The following MAP3K21 variants were observed in gnomAD, a reference collection of about 807,000 sequenced individuals.
MAP3K21 encodes the protein mitogen-activated protein kinase kinase kinase 21, also known as mitogen-activated protein kinase kinase kinase MLK4.
MAP3K21 carries 63 observed loss-of-function variants against 86.1 expected under a neutral mutation model. That is an observed-to-expected ratio of 0.73 (90% CI 0.60 to 0.90). The LOEUF (loss-of-function observed/expected upper bound fraction) is 0.90. MAP3K21 is among the 40% of genes least tolerant of loss of function. The probability of loss-of-function intolerance (pLI) is 0.00; values close to 1 mark genes in which losing one functional copy is unlikely to be tolerated. For synonymous variants in MAP3K21, 558 were observed against 564.8 expected, an observed-to-expected ratio of 0.99 and a Z score of 0.17; for missense variants, 1,220 against 1,367.7, an observed-to-expected ratio of 0.89 and a Z score of 1.70.
At chr1:233,351,862 A>G (rs910508038) in intron 2 of MAP3K21, among the ~76,000 whole-genome samples, 6 of 152,200 alleles carry the variant, frequency 3.9e-5, no homozygotes, top group African/African-American at 7.2e-5. Context: ...GAAACCAAAT[A>G]TGACTGTTCC....
At chr1:233,377,852 G>A (rs1039324672) in intron 8 of MAP3K21, among the ~76,000 whole-genome samples, 1 of 152,196 alleles carries the variant, frequency 6.6e-6, no homozygotes, top group African/African-American at 2.4e-5. Flanking sequence ...ATGGGAGACA[G>A]CAACAGATCA....
intron 1 of MAP3K21, among the ~76,000 whole-genome samples, chr1:233,345,192 G>C (rs4649303): frequency 0.4 from 61,409 of 152,020 alleles, 13,198 homozygotes; most frequent in Admixed American, 0.54. Context: ...CAAGGATCTA[G>C]AACTAGAAAT....
chr1:233,370,339 A>G (rs1444926016), intron 5 of MAP3K21, among the ~76,000 whole-genome samples: 1 of 152,230 alleles, frequency 6.6e-6, no homozygotes, highest in African/African-American at 2.4e-5. Context: ...CTTGAAATTC[A>G]TATGGCTGTG....
intron 7 of MAP3K21, 50 bp from the exon 8 acceptor site, chr1:233,376,380 G>T: frequency 7.7e-7 from 1 of 1,290,632 alleles, no homozygotes; most frequent in Non-Finnish European, 1.1e-6. Context: ...AAACCTAATT[G>T]GTGTGTTGTG....
In MAP3K21 at chr1:233,382,528, T is replaced by C; in HGVS notation, c.2928T>C (p.Gly976=). The C allele has an allele frequency of 6.2e-7, 1 of 1,614,062 alleles. No homozygotes were observed. The highest frequency in any genetic ancestry group is 8.5e-7 in the Non-Finnish European group (1 of 1,180,008). The change falls in exon 10 of 10, where the codon GGT becomes GGC. Residue 976 remains glycine, a synonymous_variant. Coordinates refer to ENST00000366624, the MANE Select transcript of MAP3K21 (RefSeq NM_032435.3). Reference sequence around the variant, plus strand: ...TGGCACAGACTGCCTGTGTAGTGGGTCGCCCAGGACCACATCCCACCCAAT... The same window carrying C: ...TGGCACAGACTGCCTGTGTAGTGGGCCGCCCAGGACCACATCCCACCCAAT... ...SQLAQTACVV[G]RPGPHPTQFL...
At position 233,362,148 on chromosome 1, in the gene MAP3K21, G is replaced by GC; in HGVS notation, c.1408dup (p.Arg470ProfsTer11). 6.2e-7 allele frequency: 1 copy of GC among 1,614,208 alleles called. No homozygotes were observed. Among genetic ancestry groups the GC allele is most frequent in the Non-Finnish European group, 8.5e-7 (1 of 1,180,036 alleles). ...AGCGGCGTGAGCAGCAGCTGGCAGAGCGCGAGATCGACGTGCTGGAGCGGG... is the reference window on the plus strand; with the variant it reads ...AGCGGCGTGAGCAGCAGCTGGCAGAGCCGCGAGATCGACGTGCTGGAGCGGG... On this transcript the variant is annotated frameshift_variant, in exon 5 of 10. Transcript: ENST00000366624. LOFTEE classifies it high-confidence loss of function.
chr1:233,355,826 T>C (rs1231797628), intron 4 of MAP3K21, among the ~76,000 whole-genome samples: 1 of 152,200 alleles, frequency 6.6e-6, no homozygotes, highest in Non-Finnish European at 1.5e-5. Flanking sequence ...ATCACCAGCA[T>C]GGCTGCTGGA....
chr1:233,372,553 G>A (rs930738669), intron 6 of MAP3K21: 2 of 219,152 alleles, frequency 9.1e-6, no homozygotes, highest in East Asian at 9.6e-5. Flanking sequence ...TCTTTGTTTC[G>A]TGAGGGGAAA....
At chr1:233,369,858 G>A (rs564764717) in intron 5 of MAP3K21, among the ~76,000 whole-genome samples, 3 of 152,164 alleles carry the variant, frequency 2.0e-5, no homozygotes, top group Non-Finnish European at 4.4e-5. Flanking sequence ...CCCTCTTCCA[G>A]GCTGTGACGA....
At chr1:233,369,392 A>G (rs1359682582) in intron 5 of MAP3K21, among the ~76,000 whole-genome samples, 1 of 152,140 alleles carries the variant, frequency 6.6e-6, no homozygotes, top group African/African-American at 2.4e-5. Context: ...TCCATCTCCA[A>G]AAAAAGAAGT....
chr1:233,332,317 G>A (rs907244249), intron 1 of MAP3K21, among the ~76,000 whole-genome samples: 2 of 152,112 alleles, frequency 1.3e-5, no homozygotes, highest in African/African-American at 4.8e-5. Context: ...TAGAGTGGAG[G>A]ATGGGGGTGC....
intron 4 of MAP3K21, 129 bp from the exon 5 acceptor site, chr1:233,361,924 G>A: frequency 8.6e-7 from 1 of 1,162,788 alleles, no homozygotes; most frequent in East Asian, 2.6e-5. Flanking sequence ...AGCAGAGGAA[G>A]AGGGAATTTC....
Position 233,379,550 on chromosome 1 carries a change from G to C in MAP3K21, c.2544G>C (p.Glu848Asp). The C allele has an allele frequency of 1.9e-6, 3 of 1,614,192 alleles. No individual in the cohort carries two copies. Among genetic ancestry groups the C allele is most frequent in the Non-Finnish European group, 2.5e-6 (3 of 1,180,048 alleles). Residue 848 changes from glutamate to aspartate, a missense_variant, in exon 9 of 10, where the codon GAG (glutamate) becomes GAC (aspartate). This residue lies in a region of MAP3K21 where 632 missense variants were observed against 691.3 expected (regional missense o/e 0.91). Coordinates refer to ENST00000366624, the MANE Select transcript of MAP3K21 (RefSeq NM_032435.3). Reference sequence around the variant, plus strand: ...CCACTGCCCCAGGAAGTGGTCGTGAGCCAGCCCTCATGCCAAGACTTGACA... The same window carrying C: ...CCACTGCCCCAGGAAGTGGTCGTGACCCAGCCCTCATGCCAAGACTTGACA... ...FCPTAPGSGREPALMPRLDTD... is the reference protein window; with the variant it reads ...FCPTAPGSGRDPALMPRLDTD...
At chr1:233,364,991 T>C (rs1663547123) in intron 5 of MAP3K21, among the ~76,000 whole-genome samples, 1 of 152,144 alleles carries the variant, frequency 6.6e-6, no homozygotes, top group Non-Finnish European at 1.5e-5. Context: ...CATGCACGCA[T>C]ATTTACTTGT....
intron 2 of MAP3K21, among the ~76,000 whole-genome samples, chr1:233,352,643 C>A (rs890322288): frequency 3.9e-5 from 6 of 152,108 alleles, no homozygotes; most frequent in African/African-American, 1.4e-4. Context: ...GCTGGCCAAG[C>A]TGGTCTTGTA....
At position 233,328,720 on chromosome 1, in the gene MAP3K21, G is replaced by T. The variant is rs1310278289; in HGVS notation, c.692G>T (p.Arg231Leu). The T allele has an allele frequency of 1.4e-6, 2 of 1,395,646 alleles. No individual in the cohort carries two copies. The highest frequency in any genetic ancestry group is 1.9e-6 in the Non-Finnish European group (2 of 1,065,260). 86.5% of individuals were successfully genotyped at this position (1,395,646 alleles called of 1,614,324 possible). ...PRAPGPRRAR[R>L]IPPHVLVNWA... is the part of the protein sequence containing the mutation. ...GCGCCCGGCCCCCGCCGCGCGCGCC[G>T]CATCCCTCCGCACGTGCTGGTCAAC... The change falls in exon 1 of 10, where the codon CGC (arginine) becomes CTC (leucine). Residue 231 changes from arginine to leucine, a missense_variant. Coordinates refer to ENST00000366624, the MANE Select transcript of MAP3K21 (RefSeq NM_032435.3). This position sits in a 1 kb window ranked among gnomAD's most constrained non-coding sequence, Gnocchi z 8.7.
intron 4 of MAP3K21, among the ~76,000 whole-genome samples, chr1:233,360,588 A>G (rs977566734): frequency 1.3e-5 from 2 of 152,104 alleles, no homozygotes; most frequent in African/African-American, 4.8e-5. Flanking sequence ...GAATAAATAC[A>G]TTTCTTTATT....
At chr1:233,347,806 C>T (rs1180891942) in intron 2 of MAP3K21, among the ~76,000 whole-genome samples, 1 of 152,062 alleles carries the variant, frequency 6.6e-6, no homozygotes, top group African/African-American at 2.4e-5. Context: ...GGTGACAGGA[C>T]CATTTGTATC....
intron 9 of MAP3K21, among the ~76,000 whole-genome samples, chr1:233,379,944 G>C (rs1011238538): frequency 6.6e-5 from 10 of 152,156 alleles, no homozygotes; most frequent in Non-Finnish European, 1.3e-4. Flanking sequence ...GCATATCAAA[G>C]CAGAAAGAAC....
Sources: allele counts gnomAD v4.1 joint callset (sites outside exome capture counted in the v4.1 genomes callset), GRCh38; gene constraint gnomAD v4.1.1; regional missense constraint gnomAD v4.1.1; non-coding constraint Gnocchi (gnomAD v3.1); transcripts MANE v1.5; gene names NCBI Gene and HGNC (gene_info 2026-07-23, HGNC 2026-07-21).